SLC30A8: variants seen among roughly 807,000 people sequenced by gnomAD.
SLC30A8 encodes the protein solute carrier family 30 member 8.
SLC30A8 carries 27 observed loss-of-function variants against 36.9 expected under a neutral mutation model. That is an observed-to-expected ratio of 0.73 (90% CI 0.54 to 1.01). SLC30A8 has a LOEUF of 1.01. Ranked by LOEUF, SLC30A8 falls within the 50% of genes least tolerant of loss-of-function variation. The pLI, the probability that SLC30A8 is intolerant of heterozygous loss-of-function variation, is 0.00. For synonymous variants in SLC30A8, 164 were observed against 172.4 expected (o/e 0.95, Z 0.38); for missense variants, 439 against 452.0 (o/e 0.97, Z 0.26).
chr8:117,111,670 G>A (rs190960920), intron 2 of SLC30A8, among the ~76,000 whole-genome samples: 16 of 151,976 alleles, frequency 1.1e-4, no homozygotes, highest in East Asian at 1.9e-4. Context: ...TTCCACTGGC[G>A]CTGCAAAGCT....
intron 2 of SLC30A8, among the ~76,000 whole-genome samples, chr8:117,076,227 CATTTCCTATGAA>C (rs1228989452): frequency 6.6e-6 from 1 of 152,134 alleles, no homozygotes; most frequent in African/African-American, 2.4e-5. Flanking sequence ...GTATTCCAAG[CATTTCCTATGAA>C]AACATCCAGG....
intron 2 of SLC30A8, among the ~76,000 whole-genome samples, chr8:117,064,383 GGACATGTGGGAAGTAGC>G (rs1818107583): frequency 6.6e-6 from 1 of 152,140 alleles, no homozygotes; most frequent in Admixed American, 6.5e-5. Context: ...TGTTCTTCAG[GGACATGTGGGAAGTAGC>G]TGATGGTGCT....
rs58613241 is a variant in SLC30A8, at chr8:117,143,665, AACACACACAC to A, written c.72-3266_72-3257del. On this transcript the variant is annotated intron_variant, in intron 1 of 7. Transcript: ENST00000456015. ...CTGTGTACTCTTGCCTCTCCCATAA[AACACACACAC>A]ACACACACACACACACACACACTCA... is the stretch of plus-strand genomic sequence containing the variant. Among the ~76,000 whole-genome samples the A allele has an allele frequency of 3.6e-3, 526 of 146,290 alleles. 8 individuals are homozygous for A. The highest frequency in any genetic ancestry group is 0.013 in the African/African-American group (502 of 39,668).
At chr8:117,034,590 G>A (rs937324814) in intron 1 of SLC30A8, among the ~76,000 whole-genome samples, 1 of 152,172 alleles carries the variant, frequency 6.6e-6, no homozygotes, top group Non-Finnish European at 1.5e-5. Flanking sequence ...AGGTGCTAGA[G>A]CTGGGGTTTG....
intron 1 of SLC30A8, among the ~76,000 whole-genome samples, chr8:117,146,492 A>T (rs1218462284): frequency 6.6e-6 from 1 of 152,212 alleles, no homozygotes; most frequent in Non-Finnish European, 1.5e-5. Context: ...TTACGGACTC[A>T]GCAGGAAACA....
intron 2 of SLC30A8, 69 bp from the exon 3 acceptor site, chr8:117,152,875 G>A: frequency 7.8e-7 from 1 of 1,281,148 alleles, no homozygotes; most frequent in Non-Finnish European, 1.0e-6. Context: ...CACCCATGAT[G>A]GTTAGCATGT....
In SLC30A8 at chr8:116,958,841, A is replaced by ATTTT. The variant is rs758505118; in HGVS notation, c.-266+7747_-266+7750dup. 2.8e-3 allele frequency among the ~76,000 whole-genome samples: 170 copies of ATTTT among 60,032 alleles called. 32 individuals are homozygous for ATTTT. The highest frequency in any genetic ancestry group is 0.021 in the East Asian group (38 of 1,804). The allele number at this position is 60,032 out of a possible 152,430, so 39.4% of individuals were successfully genotyped here. On this transcript the variant is annotated intron_variant, in intron 1 of 10. Coordinates refer to the SLC30A8 transcript ENST00000427715. ...CCTATAGCCCACTGATGCTCTTTTC[A>ATTTT]TTTTTTTTTTTTTTTTTTTTTTTTT...
Position 117,173,081 on chromosome 8 carries a change from C to G in SLC30A8, c.*400C>G, listed in dbSNP as rs1823474607. ...GGGACAAATAGTCACAAAATTTTAC[C>G]AAAACATTAGAAACAAAAAATAAGG... On this transcript the variant is annotated 3_prime_UTR_variant, in exon 8 of 8. Transcript: ENST00000456015. 1 of 166,090 alleles carries G rather than the reference C, an allele frequency of 6.0e-6. No individual in the cohort carries two copies. Among genetic ancestry groups the G allele is most frequent in the African/African-American group, 2.4e-5 (1 of 41,676 alleles). The allele number at this position is 166,090 out of a possible 1,614,324, so 10.3% of individuals were successfully genotyped here.
chr8:117,054,593 G>T (rs887481793), intron 2 of SLC30A8, among the ~76,000 whole-genome samples: 3 of 151,940 alleles, frequency 2.0e-5, no homozygotes, highest in African/African-American at 4.8e-5. Flanking sequence ...CAAGTTTCTA[G>T]CTGTGACTGG....
At chr8:117,090,585 G>C (rs1819074352) in intron 2 of SLC30A8, among the ~76,000 whole-genome samples, 1 of 152,088 alleles carries the variant, frequency 6.6e-6, no homozygotes, top group Non-Finnish European at 1.5e-5. Context: ...AGCTACTTAG[G>C]GTTTCTTAAT....
At chr8:116,962,568 A>G (rs1814458560) in intron 1 of SLC30A8, among the ~76,000 whole-genome samples, 1 of 151,994 alleles carries the variant, frequency 6.6e-6, no homozygotes, top group African/African-American at 2.4e-5. Context: ...GTAGCCTGGG[A>G]ATAGTTTGAG....
At chr8:117,115,778 A>G (rs1173395375) in intron 2 of SLC30A8, among the ~76,000 whole-genome samples, 4 of 152,000 alleles carry the variant, frequency 2.6e-5, no homozygotes, top group African/African-American at 9.7e-5. Context: ...GCTGTGGCAT[A>G]TGAACTGAGA....
chr8:117,005,462 T>C (rs532147504), intron 1 of SLC30A8, among the ~76,000 whole-genome samples: 1 of 152,372 alleles, frequency 6.6e-6, no homozygotes, highest in Non-Finnish European at 1.5e-5. Flanking sequence ...ATATTGTTTA[T>C]GCATTCATCA....
chr8:116,983,896 G>A (rs771832131), intron 1 of SLC30A8, among the ~76,000 whole-genome samples: 1 of 152,062 alleles, frequency 6.6e-6, no homozygotes, highest in Admixed American at 6.6e-5. Context: ...AATTTTTATC[G>A]TGTGTAGATT....
In SLC30A8 at chr8:117,124,343, G is replaced by T. The variant is rs530334210; in HGVS notation, c.-225-10937G>T. On this transcript the variant is annotated intron_variant, in intron 2 of 10. Coordinates refer to the SLC30A8 transcript ENST00000427715. ...AACAAATGAGCAACAGATCTCAGAT[G>T]CTCACAGCTACAAAGATTTGCTTCC... Among the ~76,000 whole-genome samples, 3 of 152,000 alleles carry T rather than the reference G, an allele frequency of 2.0e-5. No individual in the cohort carries two copies. The East Asian group carries it at 5.9e-4, about 30-fold the overall frequency.
intron 2 of SLC30A8, 31 bp downstream of exon 2, chr8:117,147,184 A>T (rs1224715690): frequency 3.1e-6 from 5 of 1,592,246 alleles, no homozygotes; most frequent in Non-Finnish European, 4.3e-6. Flanking sequence ...TTTTCATTAA[A>T]CAACCAAACA....
chr8:117,013,622 A>G (rs775828447), intron 1 of SLC30A8, among the ~76,000 whole-genome samples: 1 of 152,144 alleles, frequency 6.6e-6, no homozygotes, highest in South Asian at 2.1e-4. Context: ...TGACAACCAT[A>G]TATATACCTG....
At chr8:117,034,326 A>T (rs1366919658) in intron 1 of SLC30A8, among the ~76,000 whole-genome samples, 1 of 152,162 alleles carries the variant, frequency 6.6e-6, no homozygotes, top group African/African-American at 2.4e-5. Context: ...CAATACTCCC[A>T]CATCCAGTCC....
intron 2 of SLC30A8, among the ~76,000 whole-genome samples, chr8:117,050,118 C>G (rs892684870): frequency 6.6e-6 from 1 of 152,180 alleles, no homozygotes; most frequent in Non-Finnish European, 1.5e-5. Context: ...TTATTACACT[C>G]TCTGCCACAT....
Sources: allele counts gnomAD v4.1 joint callset (sites outside exome capture counted in the v4.1 genomes callset), GRCh38; gene constraint gnomAD v4.1.1; transcripts MANE v1.5; gene names NCBI Gene and HGNC (gene_info 2026-07-23, HGNC 2026-07-21).